Variants in ARHGEF3 observed in about 807,000 individuals in gnomAD.
ARHGEF3 encodes Rho guanine nucleotide exchange factor 3, also known as 59.8 kDA protein.
In ARHGEF3, 28 loss-of-function variants were observed where a neutral mutation model predicts 63.2. The ratio of observed to expected loss-of-function variants is 0.44; its 90% confidence interval spans 0.33 to 0.61. ARHGEF3 has a LOEUF of 0.61. Among genes scored for constraint, ARHGEF3 ranks in the 20% least tolerant of loss-of-function variants. ARHGEF3 has a pLI of 0.03. For synonymous variants in ARHGEF3, 266 were observed against 254.2 expected, an observed-to-expected ratio of 1.05 and a Z score of -0.44; for missense variants, 533 against 659.3, an observed-to-expected ratio of 0.81 and a Z score of 2.10.
At chr3:56,992,872 T>C (rs6776213) in intron 2 of ARHGEF3, among the ~76,000 whole-genome samples, 152,163 of 152,326 alleles carry the variant, frequency 1, 76,000 homozygotes, top group Middle Eastern at 1. Flanking sequence ...CTCACTCTGT[T>C]GCCTAGGCTG....
intron 2 of ARHGEF3, among the ~76,000 whole-genome samples, chr3:56,976,649 G>A (rs968447502): frequency 3.3e-5 from 5 of 152,172 alleles, no homozygotes; most frequent in Admixed American, 2.0e-4. Flanking sequence ...AAATTAGCCA[G>A]CATTGCTTAA....
At chr3:57,040,213 T>C (rs576909754) in intron 1 of ARHGEF3, among the ~76,000 whole-genome samples, 35 of 152,246 alleles carry the variant, frequency 2.3e-4, no homozygotes, top group East Asian at 9.7e-4. Context: ...CACAGTGGCT[T>C]ATGCCTGTAA....
chr3:56,882,171 C>A, intron 4 of ARHGEF3: 1 of 969,610 alleles, frequency 1.0e-6, no homozygotes, highest in South Asian at 1.9e-5. Flanking sequence ...TCCCCCAGGT[C>A]ACAACTTCCA....
intron 4 of ARHGEF3, among the ~76,000 whole-genome samples, chr3:56,832,805 T>C (rs1250245353): frequency 6.6e-6 from 1 of 152,236 alleles, no homozygotes; most frequent in Non-Finnish European, 1.5e-5. Context: ...GAATCTACTT[T>C]CTGTCTCTAT....
intron 3 of ARHGEF3, among the ~76,000 whole-genome samples, chr3:56,932,607 G>A (rs1010146213): frequency 6.6e-6 from 1 of 151,946 alleles, no homozygotes; most frequent in Non-Finnish European, 1.5e-5. Context: ...AAACATTTTC[G>A]TGCATAAGTC....
intron 3 of ARHGEF3, among the ~76,000 whole-genome samples, chr3:56,935,210 A>G (rs369871263): frequency 1.3e-5 from 2 of 151,310 alleles, no homozygotes; most frequent in Non-Finnish European, 2.9e-5. Context: ...GTATCTAGCT[A>G]CTCTGGTGGG....
At chr3:56,830,115 C>A (rs921750505) in intron 4 of ARHGEF3, among the ~76,000 whole-genome samples, 1 of 152,120 alleles carries the variant, frequency 6.6e-6, no homozygotes, top group African/African-American at 2.4e-5. Context: ...GGTTTCAATA[C>A]AAGTAGTATA....
chr3:56,796,372 G>C (rs185709637), intron 1 of ARHGEF3, among the ~76,000 whole-genome samples: 1 of 152,192 alleles, frequency 6.6e-6, no homozygotes, highest in Admixed American at 6.5e-5. Flanking sequence ...TACACAGAAG[G>C]CTTGTGGTTA....
chr3:57,066,846 CT>C (rs1210473701), intron 1 of ARHGEF3, among the ~76,000 whole-genome samples: 6 of 152,128 alleles, frequency 3.9e-5, no homozygotes, highest in African/African-American at 1.4e-4. Context: ...CCCAGAGAGC[CT>C]TTGGGCTCAC....
In ARHGEF3 at chr3:56,998,837, C is replaced by T. The variant is rs114834432; in HGVS notation, c.62+36251G>A. ...CAGGCACACAGAGTCCTAACCTCAG[C>T]AGATACCCTGAAGCAGATCCCATGT... is the stretch of plus-strand genomic sequence containing the variant. On this transcript the variant is annotated intron_variant, in intron 2 of 12. Transcript: ENST00000338458. Among the ~76,000 whole-genome samples, 377 of 152,302 alleles carry T rather than the reference C, an allele frequency of 2.5e-3. 1 individual carries two copies. The highest frequency in any genetic ancestry group is 2.9e-3 in the Admixed American group (44 of 15,290).
intron 2 of ARHGEF3, among the ~76,000 whole-genome samples, chr3:56,959,345 C>T (rs570302897): frequency 2.0e-5 from 3 of 152,242 alleles, no homozygotes; most frequent in South Asian, 4.1e-4. Flanking sequence ...CAACCATCAA[C>T]GGGACATTTA....
chr3:56,920,893 AT>A (rs2042112068), intron 3 of ARHGEF3, among the ~76,000 whole-genome samples: 1 of 152,012 alleles, frequency 6.6e-6, no homozygotes, highest in Non-Finnish European at 1.5e-5. Context: ...TCTACTAAAA[AT>A]ACAAAAAAAA....
intron 2 of ARHGEF3, among the ~76,000 whole-genome samples, chr3:56,762,659 G>C (rs1174970680): frequency 6.6e-6 from 1 of 152,158 alleles, no homozygotes; most frequent in Non-Finnish European, 1.5e-5. Flanking sequence ...CTCCAATAAA[G>C]TATTCAAGCC....
In ARHGEF3 at chr3:56,979,721, C is replaced by G. The variant is rs1701254539; in HGVS notation, c.63-20832G>C. On this transcript the variant is annotated intron_variant, in intron 2 of 12. Transcript: ENST00000338458. The stretch of plus-strand genomic sequence containing the variant: ...TCCCTGTCTTAAATCAGCCAGCCAA[C>G]GAGGATGTGAATTCCTTTTCTTAGC... Among the ~76,000 whole-genome samples the G allele has an allele frequency of 2.0e-5, 3 of 152,220 alleles. No homozygotes were observed. The South Asian group carries it at 6.2e-4, about 32-fold the overall frequency.
At chr3:56,989,134 G>A (rs979881448) in intron 2 of ARHGEF3, among the ~76,000 whole-genome samples, 7 of 152,212 alleles carry the variant, frequency 4.6e-5, no homozygotes, top group African/African-American at 1.7e-4. Context: ...ATGCCTCCCG[G>A]AGGGCTCCAG....
upstream of ARHGEF3, among the ~76,000 whole-genome samples, chr3:56,806,859 G>A (rs1175829504): frequency 1.3e-5 from 2 of 151,762 alleles, no homozygotes; most frequent in South Asian, 2.1e-4. Flanking sequence ...TCCTATTAGC[G>A]TTATATTTTA....
chr3:57,044,041 G>C (rs1248732975), intron 1 of ARHGEF3, among the ~76,000 whole-genome samples: 1 of 152,196 alleles, frequency 6.6e-6, no homozygotes, highest in Non-Finnish European at 1.5e-5. Context: ...GATTTTCCCA[G>C]AGTGCTCTGA....
At chr3:57,030,774 A>G (rs2107206644) in intron 2 of ARHGEF3, among the ~76,000 whole-genome samples, 1 of 152,352 alleles carries the variant, frequency 6.6e-6, no homozygotes, top group East Asian at 1.9e-4. Context: ...CAGGGTATTT[A>G]TCTTCTAGAA....
chr3:57,018,211 T>A (rs1703101379), intron 2 of ARHGEF3, among the ~76,000 whole-genome samples: 1 of 142,066 alleles, frequency 7.0e-6, no homozygotes, highest in Non-Finnish European at 1.5e-5. Flanking sequence ...CCTGGGAGGC[T>A]GAGGCTGCAG....
Sources: gnomAD v4.1 joint callset for allele counts (sites outside exome capture counted in the v4.1 genomes callset) on GRCh38, gnomAD v4.1.1 for gene constraint, MANE v1.5 for transcripts, NCBI Gene and HGNC (gene_info 2026-07-23, HGNC 2026-07-21) for gene names.